Variants in HCN2 observed in about 807,000 individuals in gnomAD.
The protein encoded by HCN2 is hyperpolarization activated cyclic nucleotide gated potassium and sodium channel 2.
HCN2 carries 20 observed loss-of-function variants against 52.3 expected under a neutral mutation model. The observed-to-expected ratio is 0.38, with a 90% CI of 0.27 to 0.56. The LOEUF (loss-of-function observed/expected upper bound fraction) is 0.56, where lower values mean the gene tolerates loss of function less well. Ranked by LOEUF, HCN2 falls within the 20% of genes least tolerant of loss-of-function variation. The probability of loss-of-function intolerance (pLI) is 0.71; values close to 1 mark genes in which losing one functional copy is unlikely to be tolerated. For missense variants in HCN2, 981 were observed against 1,207.7 expected (o/e 0.81, Z 2.78); for synonymous variants, 694 against 537.0 (o/e 1.29, Z -4.04).
In HCN2 at chr19:590,338, C is replaced by T; in HGVS notation, c.393C>T (p.Ala131=). The change falls in exon 1 of 8, where the codon GCC becomes GCT. Residue 131 remains alanine (A), a synonymous_variant. Transcript: ENST00000251287. This position sits in a 1 kb window ranked among gnomAD's most constrained non-coding sequence, Gnocchi z 7.2. The part of the protein sequence containing the change: ...PKVSFSCRGA[A]SGPAPGPGPA... ...TGTCGTTCTCGTGCCGCGGGGCGGCCTCGGGGCCCGCGCCGGGGCCGGGGC... is the reference window on the plus strand; with the variant it reads ...TGTCGTTCTCGTGCCGCGGGGCGGCTTCGGGGCCCGCGCCGGGGCCGGGGC... The T allele has an allele frequency of 9.5e-7, 1 of 1,056,834 alleles. No homozygotes were observed. Among genetic ancestry groups the T allele is most frequent in the Non-Finnish European group, 1.1e-6 (1 of 878,802 alleles). 65.5% of individuals were successfully genotyped at this position (1,056,834 alleles called of 1,614,324 possible). A position where few individuals can be genotyped will look rare whatever the true frequency, so the allele number is the denominator to read the frequency against.
intron 1 of HCN2, among the ~76,000 whole-genome samples, chr19:601,981 A>C (rs1209059318): frequency 6.6e-6 from 1 of 151,496 alleles, no homozygotes; most frequent in Non-Finnish European, 1.5e-5. Context: ...ATCATACGGA[A>C]CGTCCGAATG....
intron 5 of HCN2, among the ~76,000 whole-genome samples, chr19:610,616 G>GC (rs1328900021): frequency 6.6e-6 from 1 of 152,160 alleles, no homozygotes. Flanking sequence ...GCTTCCCGCT[G>GC]CCCCCTTAGC....
chr19:609,080 A>C (rs904081240), intron 4 of HCN2, among the ~76,000 whole-genome samples: 2 of 152,178 alleles, frequency 1.3e-5, no homozygotes, highest in Non-Finnish European at 2.9e-5. Context: ...CGCCCCGAGC[A>C]GTGGCTGGCT....
chr19:593,248 G>A (rs550681599), intron 1 of HCN2, among the ~76,000 whole-genome samples: 1 of 152,352 alleles, frequency 6.6e-6, no homozygotes, highest in African/African-American at 2.4e-5. Flanking sequence ...AATTTTCTGA[G>A]GGGCAGAGCA....
rs1982902086 is a variant in HCN2 at position 592,443 on chromosome 19, C to T, written c.632+1866C>T. ...GTAGGAGTGAAGCCCTCTCATCCTTCCACCCTCCTTGGGCGTGGTCGCCTG... is the reference window on the plus strand; with the variant it reads ...GTAGGAGTGAAGCCCTCTCATCCTTTCACCCTCCTTGGGCGTGGTCGCCTG... On this transcript the variant is annotated intron_variant, in intron 1 of 7. Coordinates refer to ENST00000251287, the MANE Select transcript of HCN2 (RefSeq NM_001194.4). This position sits in a 1 kb window ranked among gnomAD's most constrained non-coding sequence, Gnocchi z 4.8. Among the ~76,000 whole-genome samples, 5 of 152,136 alleles carry T rather than the reference C, an allele frequency of 3.3e-5. No individual in the cohort carries two copies. In the South Asian group the frequency reaches 1.0e-3, roughly 31 times the overall value.
At chr19:605,895 AG>A (rs1420406638) in intron 3 of HCN2, among the ~76,000 whole-genome samples, 1 of 150,930 alleles carries the variant, frequency 6.6e-6, no homozygotes, top group African/African-American at 2.4e-5. Flanking sequence ...CTCTTTACAG[AG>A]GGGGACCCAG....
At chr19:601,504 G>A (rs1249289080) in intron 1 of HCN2, among the ~76,000 whole-genome samples, 2 of 151,532 alleles carry the variant, frequency 1.3e-5, no homozygotes, top group Non-Finnish European at 2.9e-5. Context: ...ACTGTGGATC[G>A]AGCTGGTGTG....
intron 3 of HCN2, 25 bp downstream of exon 3, chr19:605,247 G>C: frequency 6.2e-7 from 1 of 1,606,906 alleles, no homozygotes; most frequent in Non-Finnish European, 8.5e-7. Context: ...CCCTGACGGA[G>C]GGGGAGACGC....
At chr19:595,689 C>T (rs1308315194) in intron 1 of HCN2, among the ~76,000 whole-genome samples, 8 of 152,320 alleles carry the variant, frequency 5.3e-5, no homozygotes, top group South Asian at 4.1e-4. Flanking sequence ...GGCGAGAGTT[C>T]GGTGAACATC....
chr19:601,346 G>A (rs765451723), intron 1 of HCN2, among the ~76,000 whole-genome samples: 12 of 152,172 alleles, frequency 7.9e-5, no homozygotes, highest in Non-Finnish European at 1.2e-4. Context: ...CTCACTGAAC[G>A]TGACGTCCTC....
intron 1 of HCN2, among the ~76,000 whole-genome samples, chr19:602,162 C>A (rs1983224758): frequency 2.2e-5 from 3 of 136,326 alleles, no homozygotes; most frequent in Admixed American, 2.2e-4. Flanking sequence ...CGCCCCACTT[C>A]CTCCTCTCCT....
rs992159498 is a variant in HCN2, at chr19:616,231, C to T, written c.2427C>T (p.Pro809=). The part of the protein sequence containing the change: ...PAAPLAGPAL[P]ARRLSRASRP... ...CCCCCCTTGCTGGGCCCGCCCTGCC[C>T]GCGCGCCGCCTGAGCCGCGCGTCGC... The change falls in exon 8 of 8, where the codon CCC becomes CCT. Residue 809 remains proline (P), a synonymous_variant. Transcript: ENST00000251287. The T allele has an allele frequency of 8.0e-6, 8 of 994,192 alleles. No homozygotes were observed. The highest frequency in any genetic ancestry group is 5.3e-5 in the African/African-American group (3 of 56,836). The allele number at this position is 994,192 out of a possible 1,614,324, so 61.6% of individuals were successfully genotyped here.
In HCN2 at chr19:610,376, C is replaced by T. The variant is rs1887734522; in HGVS notation, c.1555C>T (p.Leu519=). ...QGKMFDEDSI[L]GELNGPLREE... is the part of the protein sequence containing the mutation. ...CAAGATGTTTGACGAGGACAGCATC[C>T]TGGGCGAGCTCAACGGGCCCCTGCG... The change falls in exon 5 of 8, where the codon CTG becomes TTG. Residue 519 remains leucine, a synonymous_variant. Coordinates refer to ENST00000251287, the MANE Select transcript of HCN2 (RefSeq NM_001194.4). The T allele has an allele frequency of 1.2e-6, 2 of 1,613,626 alleles. No homozygotes were observed. The highest frequency in any genetic ancestry group is 1.7e-6 in the Non-Finnish European group (2 of 1,179,724).
At chr19:610,520 G>A (rs1022569717) in intron 5 of HCN2, 115 bp downstream of exon 5, 10 of 920,314 alleles carry the variant, frequency 1.1e-5, no homozygotes, top group East Asian at 2.5e-5. Flanking sequence ...TGCAGCAGGA[G>A]GGACTCGAGC....
Position 612,427 on chromosome 19 carries a change from T to TGTGTGTGTGTGTGAGAGA in HCN2, c.1585-820_1585-819insTGTGTGTGTGTGAGAGAG. Reference sequence around the variant, plus strand: ...GTGTGTGTGTGTGTGTGTGTGTGTGTGAGAGAGAGATGGAGTCTCGCTCTG... The same window carrying TGTGTGTGTGTGTGAGAGA: ...GTGTGTGTGTGTGTGTGTGTGTGTGTGTGTGTGTGTGTGAGAGAGAGAGAGAGATGGAGTCTCGCTCTG... On this transcript the variant is annotated intron_variant, in intron 5 of 7. Coordinates refer to ENST00000251287, the MANE Select transcript of HCN2 (RefSeq NM_001194.4). Among the ~76,000 whole-genome samples the TGTGTGTGTGTGTGAGAGA allele has an allele frequency of 3.1e-3, 435 of 142,330 alleles. 6 individuals carry two copies. The highest frequency in any genetic ancestry group is 0.014 in the Middle Eastern group (4 of 276). 93.4% of individuals were successfully genotyped at this position (142,330 alleles called of 152,430 possible).
Position 590,330 on chromosome 19 carries a change from G to T in HCN2, c.385G>T (p.Gly129Trp). 3 of 1,034,760 alleles carry T rather than the reference G, an allele frequency of 2.9e-6. No individual in the cohort carries two copies. Among genetic ancestry groups the T allele is most frequent in the Non-Finnish European group, 3.5e-6 (3 of 864,692 alleles). 64.1% of individuals were successfully genotyped at this position (1,034,760 alleles called of 1,614,324 possible). A position where few individuals can be genotyped will look rare whatever the true frequency, so the allele number is the denominator to read the frequency against. ...GCCCAAGGTGTCGTTCTCGTGCCGCGGGGCGGCCTCGGGGCCCGCGCCGGG... is the reference window on the plus strand; with the variant it reads ...GCCCAAGGTGTCGTTCTCGTGCCGCTGGGCGGCCTCGGGGCCCGCGCCGGG... Reference protein sequence around the residue: ...RGPKVSFSCRGAASGPAPGPG... With the variant: ...RGPKVSFSCRWAASGPAPGPG... The change falls in exon 1 of 8, where the codon GGG (glycine) becomes TGG (tryptophan). Residue 129 changes from glycine (G) to tryptophan (W), a missense_variant. Coordinates refer to ENST00000251287, the MANE Select transcript of HCN2 (RefSeq NM_001194.4). This position sits in a 1 kb window ranked among gnomAD's most constrained non-coding sequence, Gnocchi z 7.2.
At position 603,875 on chromosome 19, in the gene HCN2, G is replaced by A; in HGVS notation, c.964G>A (p.Ala322Thr). ...CTCCGAGGTCTACAAGACGGCACGC[G>A]CCCTGCGCATCGTGCGCTTCACCAA... ...IDSEVYKTAR[A>T]LRIVRFTKIL... Residue 322 changes from alanine (A) to threonine (T), a missense_variant, in exon 2 of 8, where the codon GCC (alanine) becomes ACC (threonine). This residue lies in a region of HCN2 where 282 missense variants were observed against 553.8 expected (regional missense o/e 0.51). Coordinates refer to ENST00000251287, the MANE Select transcript of HCN2 (RefSeq NM_001194.4). 3.1e-6 allele frequency: 5 copies of A among 1,612,422 alleles called. No homozygotes were observed. Among genetic ancestry groups the A allele is most frequent in the Non-Finnish European group, 4.2e-6 (5 of 1,179,796 alleles).
chr19:601,650 G>A (rs1983206771), intron 1 of HCN2, among the ~76,000 whole-genome samples: 1 of 152,288 alleles, frequency 6.6e-6, no homozygotes, highest in South Asian at 2.1e-4. Flanking sequence ...GTATAATCTC[G>A]GGGCAGGGAG....
Position 616,881 on chromosome 19 carries a change from G to C in HCN2, c.*407G>C, listed in dbSNP as rs1307355062. 8 of 230,694 alleles carry C rather than the reference G, an allele frequency of 3.5e-5. No individual in the cohort carries two copies. Among genetic ancestry groups the C allele is most frequent in the Non-Finnish European group, 5.9e-5 (7 of 119,054 alleles). The allele number at this position is 230,694 out of a possible 1,614,324, so 14.3% of individuals were successfully genotyped here. ...GTTTTCTAAGTGCAATACTTGGCCC[G>C]CCGGCTTCCCGCTGCCCCCATCGCG... On this transcript the variant is annotated 3_prime_UTR_variant, in exon 8 of 8. Coordinates refer to ENST00000251287, the MANE Select transcript of HCN2 (RefSeq NM_001194.4).
Sources: gnomAD v4.1 joint callset for allele counts (sites outside exome capture counted in the v4.1 genomes callset) on GRCh38, gnomAD v4.1.1 for gene constraint, gnomAD v4.1.1 regional missense constraint, Gnocchi (gnomAD v3.1) non-coding constraint, MANE v1.5 for transcripts, NCBI Gene and HGNC (gene_info 2026-07-23, HGNC 2026-07-21) for gene names.